TXNDC11: variants seen among roughly 807,000 people sequenced by gnomAD.
The protein encoded by TXNDC11 is thioredoxin domain-containing protein 11.
In TXNDC11, 68 loss-of-function variants were observed where a neutral mutation model predicts 78.0. The observed-to-expected ratio is 0.87, with a 90% CI of 0.72 to 1.07. The LOEUF (loss-of-function observed/expected upper bound fraction) is 1.07. Among genes scored for constraint, TXNDC11 ranks in the 50% least tolerant of loss-of-function variants. The probability of loss-of-function intolerance (pLI) is 0.00; values close to 1 mark genes in which losing one functional copy is unlikely to be tolerated. For missense variants in TXNDC11, 1,389 were observed against 1,221.8 expected (o/e 1.14, Z -2.04); for synonymous variants, 571 against 495.2 (o/e 1.15, Z -2.03).
At chr16:11,701,030 C>G (rs2050998542) in intron 5 of TXNDC11, among the ~76,000 whole-genome samples, 1 of 151,946 alleles carries the variant, frequency 6.6e-6, no homozygotes, top group African/African-American at 2.4e-5. Context: ...CTGACCCATT[C>G]AGGTACTCCC....
Position 11,691,788 on chromosome 16 carries a change from T to C in TXNDC11, c.1402A>G (p.Met468Val), listed in dbSNP as rs748816906. The C allele has an allele frequency of 1.2e-6, 2 of 1,614,222 alleles. No homozygotes were observed. Among genetic ancestry groups the C allele is most frequent in the Non-Finnish European group, 8.5e-7 (1 of 1,180,040 alleles). The change falls in exon 8 of 12, where the codon ATG (methionine) becomes GTG (valine). Residue 468 changes from methionine to valine, a missense_variant. By Grantham distance (21) the Met-to-Val change is conservative. Coordinates refer to ENST00000283033, the MANE Select transcript of TXNDC11 (RefSeq NM_015914.7). ...TAGAAAGAATCCAGAGCTGCTGCCA[T>C]TTCAAAAAAGCTGCACTGTGGCACG... ...VSVPQCSFFE[M>V]AAALDSFYLK...
chr16:11,679,965 T>G lies in TXNDC11; in HGVS notation c.2235-128A>C, dbSNP rs1447113951. ...AAGACGTTCCGTGGATTTTACTTAC[T>G]GAAAGTAAGGAAAATGTTGCCTGGG... On this transcript the variant is annotated intron_variant, in intron 11 of 11. Coordinates refer to ENST00000283033, the MANE Select transcript of TXNDC11 (RefSeq NM_015914.7). This position sits in a 1 kb window ranked among gnomAD's most constrained non-coding sequence, Gnocchi z 4.6. 4 of 833,176 alleles carry G rather than the reference T, an allele frequency of 4.8e-6. No homozygotes were observed. The African/African-American group carries it at 6.9e-5, about 14-fold the overall frequency. The allele number at this position is 833,176 out of a possible 1,614,324, so 51.6% of individuals were successfully genotyped here. A position where few individuals can be genotyped will look rare whatever the true frequency, so the allele number is the denominator to read the frequency against.
intron 5 of TXNDC11, among the ~76,000 whole-genome samples, chr16:11,701,018 T>C (rs2050998285): frequency 6.6e-6 from 1 of 152,126 alleles, no homozygotes; most frequent in Admixed American, 6.5e-5. Context: ...GAAACTGGGC[T>C]CCTGACCCAT....
chr16:11,723,753 A>G (rs1318375724), intron 4 of TXNDC11, among the ~76,000 whole-genome samples: 1 of 152,216 alleles, frequency 6.6e-6, no homozygotes, highest in Admixed American at 6.5e-5. Context: ...TGGCAATTTT[A>G]CTTAACTCTC....
At chr16:11,741,511 C>T (rs1011396616) in intron 1 of TXNDC11, among the ~76,000 whole-genome samples, 6 of 152,186 alleles carry the variant, frequency 3.9e-5, no homozygotes, top group Non-Finnish European at 5.9e-5. Context: ...GTTCGCTCTA[C>T]CGTGGACACG....
intron 1 of TXNDC11, chr16:11,742,218 C>G (rs978085259): frequency 2.4e-6 from 1 of 421,442 alleles, no homozygotes; most frequent in East Asian, 3.8e-5. Flanking sequence ...GGAGCACCCC[C>G]GACCCGCCTC....
chr16:11,691,453 A>G lies in TXNDC11; in HGVS notation c.1737T>C (p.Thr579=), dbSNP rs1472015428. The G allele has an allele frequency of 1.2e-6, 2 of 1,614,186 alleles. No homozygotes were observed. Among genetic ancestry groups the G allele is most frequent in the Non-Finnish European group, 1.7e-6 (2 of 1,180,032 alleles). The change falls in exon 8 of 12, where the codon ACT becomes ACC. Residue 579 remains threonine (T), a synonymous_variant. Coordinates refer to ENST00000283033, the MANE Select transcript of TXNDC11 (RefSeq NM_015914.7). ...TTGAATCCAAAAGGTAGATGTTGAGAGTCTTGTTGGTTCTGCAGCTCAGGC... is the reference window on the plus strand; with the variant it reads ...TTGAATCCAAAAGGTAGATGTTGAGGGTCTTGTTGGTTCTGCAGCTCAGGC... ...FTGLSCRTNK[T]LNIYLLDSNL...
intron 5 of TXNDC11, among the ~76,000 whole-genome samples, chr16:11,711,377 A>T (rs1444517887): frequency 6.6e-6 from 1 of 152,184 alleles, no homozygotes; most frequent in Non-Finnish European, 1.5e-5. Context: ...AAAGTCCAAA[A>T]TGAGTCTCAC....
intron 10 of TXNDC11, among the ~76,000 whole-genome samples, chr16:11,684,577 T>C (rs556824393): frequency 6.6e-6 from 1 of 152,306 alleles, no homozygotes; most frequent in South Asian, 2.1e-4. Flanking sequence ...TGAATAGCTC[T>C]GGGAAAAGAA....
At chr16:11,687,802 A>T in intron 10 of TXNDC11, 55 bp downstream of exon 10, 1 of 1,216,688 alleles carries the variant, frequency 8.2e-7, no homozygotes, top group South Asian at 1.3e-5. Flanking sequence ...CTAAGCTGCA[A>T]ATAAGAGTGA....
chr16:11,691,598 G>A lies in TXNDC11; in HGVS notation c.1592C>T (p.Thr531Ile), dbSNP rs1486864717. 3 of 1,614,208 alleles carry A rather than the reference G, an allele frequency of 1.9e-6. No homozygotes were observed. The highest frequency in any genetic ancestry group is 1.7e-6 in the Non-Finnish European group (2 of 1,180,030). Residue 531 changes from threonine (T) to isoleucine (I), a missense_variant, in exon 8 of 12, where the codon ACT becomes ATT. Transcript: ENST00000283033. ...DSEQGVFEAP[T>I]VAFSSLEKKC... Reference sequence around the variant, plus strand: ...CTTCTCAAGGGAAGAAAATGCAACAGTAGGGGCTTCAAAGACACCTTGTTC... The same window carrying A: ...CTTCTCAAGGGAAGAAAATGCAACAATAGGGGCTTCAAAGACACCTTGTTC...
chr16:11,725,020 C>A (rs1035484386), intron 4 of TXNDC11, among the ~76,000 whole-genome samples: 1 of 152,188 alleles, frequency 6.6e-6, no homozygotes, highest in African/African-American at 2.4e-5. Flanking sequence ...ACTGGGATTA[C>A]AGGTGTGAGC....
At chr16:11,705,068 T>A (rs1266576415) in intron 5 of TXNDC11, among the ~76,000 whole-genome samples, 1 of 152,050 alleles carries the variant, frequency 6.6e-6, no homozygotes, top group Non-Finnish European at 1.5e-5. Flanking sequence ...CTAATTTTTC[T>A]GTATTTTTAG....
chr16:11,736,177 C>T lies in TXNDC11; in HGVS notation c.311G>A (p.Arg104Lys). Residue 104 changes from arginine (R) to lysine (K), a missense_variant, in exon 2 of 12, where the codon AGG becomes AAG. Coordinates refer to ENST00000283033, the MANE Select transcript of TXNDC11 (RefSeq NM_015914.7). Reference sequence around the variant, plus strand: ...CTGGAAGAGGTCAAGGACTGGAGACCTCAAGGAGAAAAAGCTGACAGGTGG... The same window carrying T: ...CTGGAAGAGGTCAAGGACTGGAGACTTCAAGGAGAAAAAGCTGACAGGTGG... ...AKPPVSFFSL[R>K]SPVLDLFQGQ... is the part of the protein sequence containing the mutation. 2 of 1,614,048 alleles carry T rather than the reference C, an allele frequency of 1.2e-6. No individual in the cohort carries two copies. Among genetic ancestry groups the T allele is most frequent in the Non-Finnish European group, 8.5e-7 (1 of 1,179,986 alleles).
chr16:11,732,241 C>T (rs754129306), intron 3 of TXNDC11, among the ~76,000 whole-genome samples: 3 of 152,154 alleles, frequency 2.0e-5, no homozygotes, highest in Non-Finnish European at 2.9e-5. Flanking sequence ...ATACTGTATA[C>T]CTGCATATCC....
At chr16:11,730,473 C>T (rs1347675866) in intron 4 of TXNDC11, among the ~76,000 whole-genome samples, 172 bp downstream of exon 4, 1 of 152,214 alleles carries the variant, frequency 6.6e-6, no homozygotes. Context: ...CTTGGACAAA[C>T]CATCCTTATA....
intron 11 of TXNDC11, among the ~76,000 whole-genome samples, chr16:11,681,184 C>T (rs534954057): frequency 1.2e-4 from 18 of 152,106 alleles, no homozygotes; most frequent in African/African-American, 4.1e-4. Flanking sequence ...AAACAGAAAA[C>T]CAAAAAACCC....
chr16:11,716,831 G>A (rs1164201459), intron 5 of TXNDC11, among the ~76,000 whole-genome samples: 3 of 152,046 alleles, frequency 2.0e-5, no homozygotes, highest in African/African-American at 7.2e-5. Flanking sequence ...AATTTACAAA[G>A]TAAGAACTTA....
At chr16:11,728,580 C>T (rs553040611) in intron 4 of TXNDC11, among the ~76,000 whole-genome samples, 1 of 152,324 alleles carries the variant, frequency 6.6e-6, no homozygotes, top group African/African-American at 2.4e-5. Flanking sequence ...TAAATGTCAT[C>T]AGCAGTAATG....
Sources: allele counts gnomAD v4.1 joint callset (sites outside exome capture counted in the v4.1 genomes callset), GRCh38; gene constraint gnomAD v4.1.1; non-coding constraint Gnocchi (gnomAD v3.1); transcripts MANE v1.5; gene names NCBI Gene and HGNC (gene_info 2026-07-23, HGNC 2026-07-21).